Variants in GARRE1 observed in about 807,000 individuals in gnomAD.
GARRE1 encodes the protein granule associated Rac and RHOG effector 1, also known as granule associated Rac and RHOG effector protein 1.
In GARRE1, 49 loss-of-function variants were observed where a neutral mutation model predicts 103.2. The ratio of observed to expected loss-of-function variants is 0.47; its 90% CI spans 0.38 to 0.60. The LOEUF is 0.60. Among genes scored for constraint, GARRE1 ranks in the 20% least tolerant of loss-of-function variants. The pLI is 0.00. For synonymous variants in GARRE1, 505 were observed against 532.8 expected (o/e 0.95, Z 0.72); for missense variants, 1,199 against 1,370.5 (o/e 0.87, Z 1.98).
chr19:34,320,706 T>C (rs2074083130), intron 3 of GARRE1, among the ~76,000 whole-genome samples: 1 of 151,834 alleles, frequency 6.6e-6, no homozygotes, highest in Non-Finnish European at 1.5e-5. Context: ...TTAAATTCTT[T>C]AAGTTTTTCT....
chr19:34,265,226 C>T (rs1161788118), intron 1 of GARRE1, among the ~76,000 whole-genome samples: 3 of 152,174 alleles, frequency 2.0e-5, no homozygotes, highest in Non-Finnish European at 4.4e-5. Context: ...CCCCGGTCCC[C>T]GAGGTGGATA....
intron 1 of GARRE1, among the ~76,000 whole-genome samples, chr19:34,262,288 T>C (rs1456493747): frequency 1.3e-5 from 1 of 75,484 alleles, no homozygotes; most frequent in Non-Finnish European, 2.5e-5. Flanking sequence ...CAGCTGCTGC[T>C]TTTTTTTTTT....
At chr19:34,343,966 C>T (rs1335593294) in intron 10 of GARRE1, among the ~76,000 whole-genome samples, 1 of 152,056 alleles carries the variant, frequency 6.6e-6, no homozygotes, top group Non-Finnish European at 1.5e-5. Flanking sequence ...CAGACAAGGG[C>T]GACTGTTATC....
intron 8 of GARRE1, among the ~76,000 whole-genome samples, chr19:34,334,783 G>A (rs546077045): frequency 3.6e-4 from 55 of 152,110 alleles, no homozygotes; most frequent in African/African-American, 1.3e-3. Context: ...GCCAGGTGGG[G>A]TGGCTCACAC....
intron 1 of GARRE1, among the ~76,000 whole-genome samples, chr19:34,271,298 G>C (rs2073786093): frequency 7.0e-6 from 1 of 143,260 alleles, no homozygotes; most frequent in African/African-American, 2.6e-5. Flanking sequence ...GCCCAGGCTA[G>C]AGTGCTGTGG....
At chr19:34,344,450 G>C (rs908363120) in intron 10 of GARRE1, among the ~76,000 whole-genome samples, 1 of 151,632 alleles carries the variant, frequency 6.6e-6, no homozygotes, top group Non-Finnish European at 1.5e-5. Flanking sequence ...AATTAGCCGG[G>C]CGTAGTGGCG....
In GARRE1 at chr19:34,289,734, TA is replaced by T. The variant is rs528568162; in HGVS notation, c.-795-9937del. On this transcript the variant is annotated intron_variant, in intron 1 of 13. Coordinates refer to ENST00000299505, the MANE Select transcript of GARRE1 (RefSeq NM_014686.5). ...CTAGACTCTGTCTCAAAAAAAAAAA[TA>T]AAAAAAAGTAAATATTAGGTTAAGC... is the stretch of plus-strand genomic sequence containing the variant. 4.2e-3 allele frequency among the ~76,000 whole-genome samples: 614 copies of T among 146,540 alleles called. 6 individuals carry two copies. Among genetic ancestry groups the T allele is most frequent in the African/African-American group, 0.015 (595 of 39,704 alleles).
intron 1 of GARRE1, among the ~76,000 whole-genome samples, chr19:34,279,763 A>T (rs2073839798): frequency 6.6e-6 from 1 of 151,888 alleles, no homozygotes; most frequent in Non-Finnish European, 1.5e-5. Context: ...AGGCGGGCGG[A>T]TCACGAGGTC....
At chr19:34,321,489 C>G (rs2074088642) in intron 3 of GARRE1, among the ~76,000 whole-genome samples, 2 of 151,616 alleles carry the variant, frequency 1.3e-5, no homozygotes, top group Admixed American at 1.3e-4. Flanking sequence ...GGGTCTCACT[C>G]TGTCGCCCAG....
At chr19:34,310,545 G>T (rs998090980) in intron 2 of GARRE1, among the ~76,000 whole-genome samples, 1 of 152,210 alleles carries the variant, frequency 6.6e-6, no homozygotes, top group Non-Finnish European at 1.5e-5. Flanking sequence ...ACCCTTGCTC[G>T]CACTAGGGCC....
chr19:34,307,736 T>TTA (rs1555783139), intron 2 of GARRE1, among the ~76,000 whole-genome samples: 3 of 128,390 alleles, frequency 2.3e-5, no homozygotes, highest in Non-Finnish European at 5.1e-5. Context: ...ACATATATAC[T>TTA]TATATATACT....
chr19:34,284,918 A>G (rs1725944246), intron 1 of GARRE1, among the ~76,000 whole-genome samples: 1 of 152,176 alleles, frequency 6.6e-6, no homozygotes, highest in Non-Finnish European at 1.5e-5. Flanking sequence ...TTAGCTGGGC[A>G]CGGTGGCATA....
chr19:34,345,915 A>G (rs549130101), intron 10 of GARRE1, among the ~76,000 whole-genome samples: 22 of 152,044 alleles, frequency 1.4e-4, no homozygotes, highest in African/African-American at 5.1e-4. Context: ...TACAAATCCT[A>G]CTCTTTCCCT....
chr19:34,293,715 A>ACACACACACACACAC (rs2073930382), intron 1 of GARRE1, among the ~76,000 whole-genome samples: 3 of 100,472 alleles, frequency 3.0e-5, no homozygotes, highest in African/African-American at 1.3e-4. Flanking sequence ...TAAACATATA[A>ACACACACACACACAC]ACACACACAC....
intron 7 of GARRE1, among the ~76,000 whole-genome samples, chr19:34,331,179 A>G (rs972934265): frequency 2.0e-5 from 3 of 151,914 alleles, no homozygotes; most frequent in South Asian, 2.1e-4. Flanking sequence ...AATTACAGGC[A>G]TGAGCCACCA....
chr19:34,333,079 G>A (rs545790334), intron 7 of GARRE1, among the ~76,000 whole-genome samples: 9 of 152,092 alleles, frequency 5.9e-5, no homozygotes, highest in Non-Finnish European at 1.3e-4. Context: ...TGGAGTCTTG[G>A]TCTGTTGCTC....
chr19:34,329,243 C>T (rs1185408257), intron 6 of GARRE1, among the ~76,000 whole-genome samples: 1 of 152,172 alleles, frequency 6.6e-6, no homozygotes. Flanking sequence ...AATCTGTTTC[C>T]AGAGCCTGAA....
intron 7 of GARRE1, 85 bp downstream of exon 7, chr19:34,330,432 A>C (rs914837390): frequency 4.5e-5 from 61 of 1,350,104 alleles, no homozygotes; most frequent in South Asian, 3.2e-4. Context: ...CATGTGTGAA[A>C]ATATTGAATA....
At chr19:34,286,614 G>A (rs1169078334) in intron 1 of GARRE1, among the ~76,000 whole-genome samples, 1 of 150,102 alleles carries the variant, frequency 6.7e-6, no homozygotes, top group Admixed American at 6.7e-5. Context: ...CCATTCTCCT[G>A]CCTCAGCCTT....
Sources: allele counts gnomAD v4.1 joint callset (sites outside exome capture counted in the v4.1 genomes callset), GRCh38; gene constraint gnomAD v4.1.1; transcripts MANE v1.5; gene names NCBI Gene and HGNC (gene_info 2026-07-23, HGNC 2026-07-21).